The following SASH1 variants were observed in gnomAD, a reference collection of about 807,000 sequenced individuals.
SASH1 encodes the protein SAM and SH3 domain containing 1, also known as SAM and SH3 domain-containing protein 1.
A neutral mutation model predicts 125.2 loss-of-function variants in SASH1; 44 were observed. The ratio of observed to expected loss-of-function variants is 0.35; its 90% CI spans 0.28 to 0.45. The LOEUF (loss-of-function observed/expected upper bound fraction) is 0.45. SASH1 is among the 20% of genes least tolerant of loss of function. The pLI is 1.00. For synonymous variants in SASH1, 639 were observed against 649.1 expected (o/e 0.98, Z 0.24); for missense variants, 1,426 against 1,614.5 (o/e 0.88, Z 2.00).
intron 1 of SASH1, among the ~76,000 whole-genome samples, chr6:148,357,342 A>G (rs1306967076): frequency 1.3e-5 from 2 of 152,216 alleles, no homozygotes; most frequent in East Asian, 1.9e-4. Context: ...TGCAGATTTT[A>G]GACTTCCAAA....
chr6:148,376,112 T>C (rs754021142), intron 1 of SASH1, among the ~76,000 whole-genome samples: 2 of 152,182 alleles, frequency 1.3e-5, no homozygotes, highest in Non-Finnish European at 2.9e-5. Flanking sequence ...TCACCCAGGC[T>C]GGAGTGCAGT....
rs1401416180 is a variant in SASH1, at chr6:148,548,353, C to T, written c.3539C>T (p.Ser1180Leu). 6.2e-7 allele frequency: 1 copy of T among 1,614,170 alleles called. No individual in the cohort carries two copies. The highest frequency in any genetic ancestry group is 8.5e-7 in the Non-Finnish European group (1 of 1,180,000). Residue 1180 changes from serine to leucine, a missense_variant, in exon 20 of 20, where the codon TCG (serine) becomes TTG (leucine). Physicochemically the swap from Ser to Leu is moderately radical, Grantham distance 145 (BLOSUM62 -2). Transcript: ENST00000367467. ...AAGCCCGTCTCTCCTGGGTGCATTT[C>T]GTCTGTGTCAGATTGGCTCATTTCC... is the stretch of plus-strand genomic sequence containing the variant. Reference protein sequence around the residue: ...CRKPVSPGCISSVSDWLISIG... With the variant: ...CRKPVSPGCILSVSDWLISIG...
chr6:148,477,699 T>A (rs1184342136), intron 7 of SASH1, among the ~76,000 whole-genome samples: 1 of 146,316 alleles, frequency 6.8e-6, no homozygotes, highest in Non-Finnish European at 1.5e-5. Context: ...CTAATTTTTT[T>A]TTTTTTTTTT....
At chr6:148,267,418 G>T (rs146655215), upstream of SASH1, among the ~76,000 whole-genome samples, 3,035 of 100,666 alleles carry the variant, frequency 0.03, 100 homozygotes, top group African/African-American at 0.099. Flanking sequence ...TCACTCTATC[G>T]CCCAGGCTGG....
rs770138996 is a variant in SASH1, at chr6:148,544,493, G to C, written c.3023G>C (p.Ser1008Thr). The C allele has an allele frequency of 6.2e-7, 1 of 1,613,910 alleles. No individual in the cohort carries two copies. The highest frequency in any genetic ancestry group is 8.5e-7 in the Non-Finnish European group (1 of 1,179,988). Residue 1008 changes from serine (S) to threonine (T), a missense_variant, in exon 18 of 20, where the codon AGT (serine) becomes ACT (threonine). Ser to Thr is a moderately conservative substitution (Grantham distance 58, BLOSUM62 1). Transcript: ENST00000367467. This position sits in a 1 kb window ranked among gnomAD's most constrained non-coding sequence, Gnocchi z 6.4. ...NGLHPVPMGPSGALPSPDAPC... is the reference protein window; with the variant it reads ...NGLHPVPMGPTGALPSPDAPC... ...CTCCACCCTGTTCCCATGGGCCCCA[G>C]TGGGGCCCTCCCCAGTCCCGATGCG... is the stretch of plus-strand genomic sequence containing the variant.
intron 1 of SASH1, among the ~76,000 whole-genome samples, chr6:148,277,842 G>A (rs1779228096): frequency 6.6e-6 from 1 of 151,702 alleles, no homozygotes; most frequent in Non-Finnish European, 1.5e-5. Flanking sequence ...TCAGCCTCCT[G>A]AGTAACTGGG....
In SASH1 at chr6:148,548,591, C is replaced by T. The variant is rs1782710284; in HGVS notation, c.*33C>T. 11 of 1,555,818 alleles carry T rather than the reference C, an allele frequency of 7.1e-6. No individual in the cohort carries two copies. The highest frequency in any genetic ancestry group is 9.5e-6 in the Non-Finnish European group (11 of 1,154,142). ...CGGAATGGGCCTCTCTGGACAAGAG[C>T]CACCCTTTCACTGTGCATATGATGC... On this transcript the variant is annotated 3_prime_UTR_variant, in exon 20 of 20. Transcript: ENST00000367467.
At chr6:148,347,836 C>T (rs1781570747) in intron 1 of SASH1, among the ~76,000 whole-genome samples, 3 of 152,044 alleles carry the variant, frequency 2.0e-5, no homozygotes, top group Non-Finnish European at 2.9e-5. Flanking sequence ...GGGATTGAAG[C>T]GCCCTTGGAA....
chr6:148,459,823 A>G (rs1298800182), intron 4 of SASH1, among the ~76,000 whole-genome samples: 1 of 152,230 alleles, frequency 6.6e-6, no homozygotes, highest in Non-Finnish European at 1.5e-5. Context: ...TGTGATCGGT[A>G]ACATTTTGTC....
chr6:148,544,355 A>G lies in SASH1; in HGVS notation c.2885A>G (p.His962Arg). The change falls in exon 18 of 20, where the codon CAT becomes CGT. Residue 962 changes from histidine to arginine, a missense_variant. Physicochemically the swap from His to Arg is conservative, Grantham distance 29. Around this residue, in one of 3 missense-constraint regions of SASH1, gnomAD observed 634 missense variants for 694.4 expected, o/e 0.91. Coordinates refer to ENST00000367467, the MANE Select transcript of SASH1 (RefSeq NM_015278.5). The surrounding 1 kb of genome is among the most constrained non-coding windows in gnomAD (Gnocchi z 6.4). The part of the protein sequence containing the change: ...RKGHEFEGTH[H>R]PLGTKEGVDA... ...GGACACGAGTTTGAAGGAACACACC[A>G]TCCCCTGGGCACCAAAGAAGGGGTA... The G allele has an allele frequency of 1.9e-6, 3 of 1,614,158 alleles. No individual in the cohort carries two copies. The highest frequency in any genetic ancestry group is 2.5e-6 in the Non-Finnish European group (3 of 1,180,020).
intron 8 of SASH1, chr6:148,513,107 C>T: frequency 1.0e-6 from 1 of 985,420 alleles, no homozygotes; most frequent in Non-Finnish European, 1.2e-6. Context: ...GAGGTATTCT[C>T]TGCAACTCTT....
chr6:148,393,979 G>T (rs1397922083), intron 2 of SASH1, among the ~76,000 whole-genome samples: 1 of 145,626 alleles, frequency 6.9e-6, no homozygotes, highest in African/African-American at 2.6e-5. Context: ...TGCAACCTCT[G>T]CCTCCTGGGT....
chr6:148,270,798 A>C (rs1390099527), upstream of SASH1, among the ~76,000 whole-genome samples: 1 of 152,166 alleles, frequency 6.6e-6, no homozygotes, highest in Non-Finnish European at 1.5e-5. Context: ...CCACTTTACA[A>C]ATAAGGAAAT....
chr6:148,366,971 C>CTTTTT (rs10676946), intron 1 of SASH1, among the ~76,000 whole-genome samples: 6 of 125,300 alleles, frequency 4.8e-5, no homozygotes, highest in African/African-American at 1.2e-4. Context: ...TAGTGGGTAG[C>CTTTTT]TTTTTTTTTT....
intron 2 of SASH1, among the ~76,000 whole-genome samples, chr6:148,422,216 T>A (rs1785133013): frequency 6.6e-6 from 1 of 152,232 alleles, no homozygotes; most frequent in Non-Finnish European, 1.5e-5. Context: ...TGCCAATCTA[T>A]GCTTTCTGCC....
At chr6:148,259,571 G>A in the SASH1 span, among the ~76,000 whole-genome samples, 1 of 152,166 alleles carries the variant, frequency 6.6e-6, no homozygotes, top group Non-Finnish European at 1.5e-5. Context: ...CTGTCGCTGG[G>A]TGCCCCGGGA....
At chr6:148,514,565 G>A (rs1036841124) in intron 9 of SASH1, 109 bp downstream of exon 9, 2 of 1,247,342 alleles carry the variant, frequency 1.6e-6, no homozygotes, top group African/African-American at 1.6e-5. Context: ...GATTTCAAGT[G>A]GAAAATGCAT....
chr6:148,260,514 G>A, the SASH1 span, among the ~76,000 whole-genome samples: 2 of 151,466 alleles, frequency 1.3e-5, no homozygotes, highest in African/African-American at 2.4e-5. Context: ...GCCGAGGCAG[G>A]AGGATCACTT....
At chr6:148,414,426 A>G (rs576580984) in intron 2 of SASH1, among the ~76,000 whole-genome samples, 24 of 152,090 alleles carry the variant, frequency 1.6e-4, no homozygotes, top group Non-Finnish European at 1.5e-4. Flanking sequence ...CTTATTAGCT[A>G]TGTGATTATG....
Sources: allele counts gnomAD v4.1 joint callset (sites outside exome capture counted in the v4.1 genomes callset), GRCh38; gene constraint gnomAD v4.1.1; regional missense constraint gnomAD v4.1.1; non-coding constraint Gnocchi (gnomAD v3.1); transcripts MANE v1.5; gene names NCBI Gene and HGNC (gene_info 2026-07-23, HGNC 2026-07-21).